The following GEMIN7 variants were observed in gnomAD, a reference collection of about 807,000 sequenced individuals.
The protein encoded by GEMIN7 is gem nuclear organelle associated protein 7, also known as gem-associated protein 7.
A neutral mutation model predicts 7.8 loss-of-function variants in GEMIN7; 7 were observed. The observed-to-expected ratio is 0.90, with a 90% CI of 0.51 to 1.69. The LOEUF is 1.69. Ranked by LOEUF, GEMIN7 falls within the 40% of genes most tolerant of loss-of-function variation. The pLI, the probability that GEMIN7 is intolerant of heterozygous loss-of-function variation, is 0.00. For synonymous variants in GEMIN7, 68 were observed against 72.4 expected, an observed-to-expected ratio of 0.94 and a Z score of 0.31; for missense variants, 159 against 176.2, an observed-to-expected ratio of 0.90 and a Z score of 0.55.
At chr19:45,082,007 C>A (rs1414215871) in intron 2 of GEMIN7, among the ~76,000 whole-genome samples, 5 of 152,154 alleles carry the variant, frequency 3.3e-5, no homozygotes, top group Non-Finnish European at 4.4e-5. Context: ...CTTCTTCCAC[C>A]TGGACCACTA....
upstream of GEMIN7, chr19:45,076,534 CCA>C: frequency 2.1e-6 from 1 of 482,072 alleles, no homozygotes; most frequent in South Asian, 1.1e-4. The surrounding 1 kb of genome is among the most constrained non-coding windows in gnomAD (Gnocchi z 4.9). Flanking sequence ...GCTCCGCCTA[CCA>C]GGGCGGGGCT....
At chr19:45,087,032 A>T (rs550903569) in intron 2 of GEMIN7, among the ~76,000 whole-genome samples, 1 of 151,826 alleles carries the variant, frequency 6.6e-6, no homozygotes, top group South Asian at 2.1e-4. Context: ...TTCTTAGTAG[A>T]GACGGGGTTT....
Position 45,080,542 on chromosome 19 carries a change from A to AT in GEMIN7, c.-9+521dup, listed in dbSNP as rs554632455. ...AGATGCGTGCCACCACATCCAGCTAATTTTTTTTGTATTTTTAGTAGAGAT... is the reference window on the plus strand; with the variant it reads ...AGATGCGTGCCACCACATCCAGCTAATTTTTTTTTGTATTTTTAGTAGAGAT... On this transcript the variant is annotated intron_variant, in intron 2 of 2. Transcript: ENST00000270257. Among the ~76,000 whole-genome samples the AT allele has an allele frequency of 3.8e-4, 58 of 151,564 alleles. 1 individual carries two copies. Among genetic ancestry groups the AT allele is most frequent in the South Asian group, 1.2e-3 (6 of 4,804 alleles).
chr19:45,080,769 T>TTTG (rs1967477689), intron 2 of GEMIN7, among the ~76,000 whole-genome samples: 1 of 149,862 alleles, frequency 6.7e-6, no homozygotes, highest in Admixed American at 6.6e-5. Flanking sequence ...TTTTTTGTTT[T>TTTG]TTTTTTTTTT....
intron 2 of GEMIN7, among the ~76,000 whole-genome samples, chr19:45,083,612 T>C (rs1024620243): frequency 6.9e-6 from 1 of 145,870 alleles, no homozygotes; most frequent in African/African-American, 2.5e-5. Flanking sequence ...TTTTTTTTTT[T>C]TTTTGTTTGA....
upstream of GEMIN7, chr19:45,075,770 C>T (rs1470941584): frequency 1.2e-6 from 2 of 1,613,988 alleles, no homozygotes; most frequent in African/African-American, 2.7e-5. Flanking sequence ...TTCTTGTGGT[C>T]CATGAAGGCA....
intron 2 of GEMIN7, among the ~76,000 whole-genome samples, chr19:45,082,234 C>G (rs2122655926): frequency 6.6e-6 from 1 of 152,300 alleles, no homozygotes; most frequent in East Asian, 1.9e-4. Context: ...ACTGGCCTTG[C>G]TACGCCCCAA....
Position 45,090,496 on chromosome 19 carries a change from A to AG in GEMIN7, c.382_383insG (p.Thr128SerfsTer59). On this transcript the variant is annotated frameshift_variant, in exon 3 of 3. Transcript: ENST00000270257. LOFTEE classifies it high-confidence loss of function. ...CCGATGTAGTGACATTATTTCATATACCTTCAAGCCATAAAGATATTGTGT... is the reference window on the plus strand; with the variant it reads ...CCGATGTAGTGACATTATTTCATATAGCCTTCAAGCCATAAAGATATTGTGT... 6.3e-7 allele frequency: 1 copy of AG among 1,599,988 alleles called. No homozygotes were observed. Among genetic ancestry groups the AG allele is most frequent in the Non-Finnish European group, 8.5e-7 (1 of 1,171,700 alleles).
At chr19:45,078,627 A>G (rs1259268486), upstream of GEMIN7, among the ~76,000 whole-genome samples, 1 of 152,188 alleles carries the variant, frequency 6.6e-6, no homozygotes, top group African/African-American at 2.4e-5. Context: ...TTTGCAGAGC[A>G]CCAAATTGTG....
upstream of GEMIN7, among the ~76,000 whole-genome samples, chr19:45,077,963 G>A (rs2122643386): frequency 6.6e-6 from 1 of 151,724 alleles, no homozygotes; most frequent in East Asian, 1.9e-4. Flanking sequence ...CTCTTGGCTT[G>A]AAGCGCTCCT....
chr19:45,083,747 C>G (rs10422319), intron 2 of GEMIN7, among the ~76,000 whole-genome samples: 1 of 149,160 alleles, frequency 6.7e-6, no homozygotes, highest in African/African-American at 2.5e-5. Flanking sequence ...ACTACAGGAG[C>G]GCACCCTTTG....
chr19:45,083,688 C>T (rs905893720), intron 2 of GEMIN7, among the ~76,000 whole-genome samples: 17 of 146,948 alleles, frequency 1.2e-4, no homozygotes, highest in Non-Finnish European at 1.9e-4. Flanking sequence ...CAGCCTCAGC[C>T]TCCTCCGGCT....
chr19:45,081,035 C>T (rs1967487891), intron 2 of GEMIN7, among the ~76,000 whole-genome samples: 1 of 152,054 alleles, frequency 6.6e-6, no homozygotes, highest in African/African-American at 2.4e-5. Context: ...GGCGTGTTGG[C>T]GTGGGCCTGT....
chr19:45,076,062 C>T, upstream of GEMIN7: 1 of 1,578,702 alleles, frequency 6.3e-7, no homozygotes, highest in East Asian at 2.3e-5. This position sits in a 1 kb window ranked among gnomAD's most constrained non-coding sequence, Gnocchi z 4.9. Flanking sequence ...GGGCCCAGGG[C>T]CCGGGGTGCT....
upstream of GEMIN7, chr19:45,076,533 A>G (rs1235668035): frequency 2.1e-6 from 1 of 483,982 alleles, no homozygotes; most frequent in Non-Finnish European, 3.2e-6. The surrounding 1 kb of genome is among the most constrained non-coding windows in gnomAD (Gnocchi z 4.9). Context: ...GGCTCCGCCT[A>G]CCAGGGCGGG....
intron 2 of GEMIN7, among the ~76,000 whole-genome samples, chr19:45,082,735 C>T (rs1426873686): frequency 6.6e-6 from 1 of 151,756 alleles, no homozygotes; most frequent in South Asian, 2.1e-4. Flanking sequence ...CCCCTCACCT[C>T]GGTCTCCTTA....
chr19:45,085,074 A>G (rs1295554919), intron 2 of GEMIN7, among the ~76,000 whole-genome samples: 2 of 152,038 alleles, frequency 1.3e-5, no homozygotes, highest in Non-Finnish European at 2.9e-5. Flanking sequence ...TGCCCGGCCA[A>G]CACCCGGCTA....
At chr19:45,076,183 C>T (rs1175627254), upstream of GEMIN7, 3 of 1,504,432 alleles carry the variant, frequency 2.0e-6, no homozygotes, top group Non-Finnish European at 8.8e-7. This position sits in a 1 kb window ranked among gnomAD's most constrained non-coding sequence, Gnocchi z 4.9. Flanking sequence ...GTGGGGTTCG[C>T]CGCCGAACCG....
rs1484238969 is a variant in GEMIN7, at chr19:45,090,742, G to A, written c.*232G>A. The A allele has an allele frequency of 3.8e-6, 2 of 532,148 alleles. No individual in the cohort carries two copies. The highest frequency in any genetic ancestry group is 3.3e-5 in the Admixed American group (1 of 30,008). 33.0% of individuals were successfully genotyped at this position (532,148 alleles called of 1,614,324 possible). A position where few individuals can be genotyped will look rare whatever the true frequency, so the allele number is the denominator to read the frequency against. The stretch of plus-strand genomic sequence containing the variant: ...GGAATGCTCTACCTCACAGAACTCT[G>A]AACCCTACAGAAATATGGGCCTGCT... On this transcript the variant is annotated 3_prime_UTR_variant, in exon 3 of 3. Coordinates refer to ENST00000270257, the MANE Select transcript of GEMIN7 (RefSeq NM_024707.3).
Sources: gnomAD v4.1 joint callset for allele counts (sites outside exome capture counted in the v4.1 genomes callset) on GRCh38, gnomAD v4.1.1 for gene constraint, Gnocchi (gnomAD v3.1) non-coding constraint, MANE v1.5 for transcripts, NCBI Gene and HGNC (gene_info 2026-07-23, HGNC 2026-07-21) for gene names.